ANO4: variants seen among roughly 807,000 people sequenced by gnomAD.
ANO4 encodes anoctamin-4.
In ANO4, 69 loss-of-function variants were observed where a neutral mutation model predicts 141.9. The ratio of observed to expected loss-of-function variants is 0.49; its 90% CI spans 0.40 to 0.59. The LOEUF (loss-of-function observed/expected upper bound fraction) is 0.59, where lower values mean the gene tolerates loss of function less well. Among genes scored for constraint, ANO4 ranks in the 20% least tolerant of loss-of-function variants. The pLI, the probability that ANO4 is intolerant of heterozygous loss-of-function variation, is 0.00. For missense variants in ANO4, 894 were observed against 1,162.2 expected, an observed-to-expected ratio of 0.77 and a Z score of 3.36; for synonymous variants, 350 against 394.3, an observed-to-expected ratio of 0.89 and a Z score of 1.33.
intron 1 of ANO4, among the ~76,000 whole-genome samples, chr12:100,852,806 C>T (rs964466349): frequency 3.3e-5 from 5 of 152,134 alleles, no homozygotes; most frequent in Non-Finnish European, 7.4e-5. Flanking sequence ...AGTCAATATA[C>T]ATAAAAATTA....
chr12:100,953,328 A>G (rs145853025), intron 5 of ANO4, among the ~76,000 whole-genome samples: 211 of 152,360 alleles, frequency 1.4e-3, no homozygotes, highest in African/African-American at 4.9e-3. Context: ...AGAACTGTAA[A>G]TCCATTTACA....
At chr12:101,020,625 G>A (rs113721902) in intron 9 of ANO4, among the ~76,000 whole-genome samples, 14 of 152,164 alleles carry the variant, frequency 9.2e-5, no homozygotes, top group Non-Finnish European at 2.9e-5. Flanking sequence ...TGAATGCTGG[G>A]GAACCAGTGT....
In ANO4 at chr12:100,815,859, A is replaced by G. The variant is rs970134182; in HGVS notation, c.-141+20832A>G. ...ATTGAGTATTTGCCATCACAAAACTATAAATAACTTAAAAATTTGGCATAT... is the reference window on the plus strand; with the variant it reads ...ATTGAGTATTTGCCATCACAAAACTGTAAATAACTTAAAAATTTGGCATAT... On this transcript the variant is annotated intron_variant, in intron 1 of 27. Coordinates refer to ENST00000392977, the MANE Select transcript of ANO4 (RefSeq NM_001286615.2). 5.3e-5 allele frequency among the ~76,000 whole-genome samples: 8 copies of G among 152,226 alleles called. No homozygotes were observed. The East Asian group carries it at 7.7e-4, about 15-fold the overall frequency.
At chr12:101,078,946 C>T (rs2049133693) in intron 14 of ANO4, among the ~76,000 whole-genome samples, 2 of 152,236 alleles carry the variant, frequency 1.3e-5, no homozygotes, top group Admixed American at 6.5e-5. Flanking sequence ...TGTTCTGCCT[C>T]AACTTGTAAA....
chr12:100,930,589 ATT>A, intron 3 of ANO4, among the ~76,000 whole-genome samples: 1 of 106,012 alleles, frequency 9.4e-6, no homozygotes, highest in Middle Eastern at 7.7e-3. Flanking sequence ...TTAAATGAAT[ATT>A]TTTTTTAAAT....
At chr12:101,104,574 G>T (rs2050333968) in intron 22 of ANO4, among the ~76,000 whole-genome samples, 1 of 138,296 alleles carries the variant, frequency 7.2e-6, no homozygotes, top group Admixed American at 7.4e-5. Flanking sequence ...CGTTATTTCA[G>T]GCTTTTGATA....
At chr12:100,898,744 T>C (rs2040455906) in intron 1 of ANO4, among the ~76,000 whole-genome samples, 1 of 152,232 alleles carries the variant, frequency 6.6e-6, no homozygotes, top group South Asian at 2.1e-4. Flanking sequence ...GTCAGAATCC[T>C]GTTCCCCTCA....
intron 2 of ANO4, among the ~76,000 whole-genome samples, chr12:100,921,618 A>G (rs563536909): frequency 6.6e-6 from 1 of 152,270 alleles, no homozygotes; most frequent in East Asian, 1.9e-4. Context: ...ATGGAGCAGC[A>G]TAAAAACTTT....
chr12:101,080,892 T>TAG (rs2049236217), intron 15 of ANO4, among the ~76,000 whole-genome samples: 1 of 136,988 alleles, frequency 7.3e-6, no homozygotes, highest in Non-Finnish European at 1.6e-5. Flanking sequence ...ATTATATATA[T>TAG]ATATATATAC....
chr12:100,823,978 A>G (rs945789291), intron 1 of ANO4, among the ~76,000 whole-genome samples: 4 of 152,198 alleles, frequency 2.6e-5, no homozygotes, highest in Middle Eastern at 3.4e-3. Context: ...TAAAAATGCT[A>G]CAAATCTTAT....
At chr12:100,787,912 T>C (rs1434722835) in intron 3 of ANO4, among the ~76,000 whole-genome samples, 3 of 152,214 alleles carry the variant, frequency 2.0e-5, no homozygotes, top group African/African-American at 7.2e-5. Context: ...AGGGCATTTA[T>C]TCCTTTAAAA....
At chr12:100,955,280 C>A (rs572896883) in intron 5 of ANO4, among the ~76,000 whole-genome samples, 3 of 152,196 alleles carry the variant, frequency 2.0e-5, no homozygotes, top group Non-Finnish European at 4.4e-5. Context: ...GGACATCAGT[C>A]GGAGCAGCAC....
At chr12:101,033,002 T>TA (rs1227751523) in intron 9 of ANO4, among the ~76,000 whole-genome samples, 1 of 152,136 alleles carries the variant, frequency 6.6e-6, no homozygotes, top group Non-Finnish European at 1.5e-5. Context: ...CATGCTGCTA[T>TA]AAGACACATG....
chr12:100,811,493 C>T (rs981128498), intron 1 of ANO4, among the ~76,000 whole-genome samples: 1 of 152,168 alleles, frequency 6.6e-6, no homozygotes, highest in South Asian at 2.1e-4. Flanking sequence ...CCCCTTTTGT[C>T]AGACCCTGAC....
chr12:101,060,076 T>A (rs1369544043), intron 14 of ANO4, among the ~76,000 whole-genome samples: 1 of 152,256 alleles, frequency 6.6e-6, no homozygotes, highest in African/African-American at 2.4e-5. Context: ...TCTGGTACGT[T>A]GTGCCTTTGT....
rs1463929650 is a variant in ANO4 at position 100,757,217 on chromosome 12, CCTT to C, written c.358+17115_358+17117del. ...GGTGGTAAGCCTGTTGAGTCTATCT[CCTT>C]CTATCCCCAATCTCCCTGCCTTGGT... On this transcript the variant is annotated intron_variant, in intron 3 of 29. Transcript: ENST00000644049. 6.6e-5 allele frequency among the ~76,000 whole-genome samples: 10 copies of C among 152,326 alleles called. No individual in the cohort carries two copies. The East Asian group carries it at 1.7e-3, about 26-fold the overall frequency.
chr12:100,791,606 C>T (rs2034049904), upstream of ANO4, among the ~76,000 whole-genome samples: 1 of 152,176 alleles, frequency 6.6e-6, no homozygotes. Flanking sequence ...CCCACCTCAT[C>T]CAAATTCATG....
chr12:100,833,225 G>A (rs1163007791), intron 1 of ANO4, among the ~76,000 whole-genome samples: 2 of 152,042 alleles, frequency 1.3e-5, no homozygotes, highest in South Asian at 2.1e-4. Flanking sequence ...AAACTGAAAA[G>A]CAAAAGAATA....
intron 26 of ANO4, among the ~76,000 whole-genome samples, chr12:101,125,882 T>C (rs1053079994): frequency 1.3e-5 from 2 of 152,210 alleles, no homozygotes; most frequent in African/African-American, 4.8e-5. Context: ...GGTTTTGGTA[T>C]CAGGATGACA....
Sources: gnomAD v4.1 joint callset for allele counts (sites outside exome capture counted in the v4.1 genomes callset) on GRCh38, gnomAD v4.1.1 for gene constraint, MANE v1.5 for transcripts, NCBI Gene and HGNC (gene_info 2026-07-23, HGNC 2026-07-21) for gene names.